BIRC6: variants seen among roughly 807,000 people sequenced by gnomAD.
The protein encoded by BIRC6 is dual E2 ubiquitin-conjugating enzyme/E3 ubiquitin-protein ligase BIRC6.
Under a neutral mutation model 503.3 loss-of-function variants are expected in BIRC6, and 98 were observed. That is an observed-to-expected ratio of 0.19 (90% CI 0.17 to 0.23). The LOEUF is 0.23. Ranked by LOEUF, BIRC6 falls within the 10% of genes least tolerant of loss-of-function variation. The pLI is 1.00. For synonymous variants in BIRC6, 2,240 were observed against 2,078.7 expected (o/e 1.08, Z -2.11); for missense variants, 5,360 against 5,806.0 (o/e 0.92, Z 2.50).
intron 3 of BIRC6, among the ~76,000 whole-genome samples, chr2:32,385,629 C>T (rs1197911648): frequency 6.6e-6 from 1 of 152,194 alleles, no homozygotes; most frequent in Non-Finnish European, 1.5e-5. Context: ...AGGCTCCTTA[C>T]AGCATCATTA....
intron 1 of BIRC6, among the ~76,000 whole-genome samples, chr2:32,370,031 T>C (rs973558791): frequency 7.6e-5 from 11 of 143,826 alleles, no homozygotes; most frequent in Admixed American, 2.1e-4. Context: ...TGTATGTATA[T>C]ATATGTATGT....
chr2:32,504,746 T>C lies in BIRC6; in HGVS notation c.9500-259T>C, dbSNP rs181727710. Among the ~76,000 whole-genome samples the C allele has an allele frequency of 5.5e-3, 835 of 152,198 alleles. 11 individuals are homozygous for C. Among genetic ancestry groups the C allele is most frequent in the African/African-American group, 0.019 (784 of 41,526 alleles). Reference sequence around the variant, plus strand: ...AATTATTGAGCTACGTTTATTGCTGTGTCTTTAGTTTTCGTGTATCATATG... The same window carrying C: ...AATTATTGAGCTACGTTTATTGCTGCGTCTTTAGTTTTCGTGTATCATATG... On this transcript the variant is annotated intron_variant, in intron 49 of 73. Transcript: ENST00000421745.
Position 32,604,208 on chromosome 2 carries a change from T to C in BIRC6, c.14070+1125T>C, listed in dbSNP as rs549978115. The stretch of plus-strand genomic sequence containing the variant: ...ATGATGAAAATATAGGTTCTAAATG[T>C]ACAGATAACTTTACTGTGATCCCTA... On this transcript the variant is annotated intron_variant, in intron 71 of 73. Transcript: ENST00000421745. Among the ~76,000 whole-genome samples, 14 of 152,354 alleles carry C rather than the reference T, an allele frequency of 9.2e-5. No individual in the cohort carries two copies. In the South Asian group the frequency reaches 2.9e-3, roughly 32 times the overall value.
chr2:32,414,742 T>A, intron 9 of BIRC6, 27 bp from the exon 10 acceptor site: 1 of 1,561,500 alleles, frequency 6.4e-7, no homozygotes, highest in Non-Finnish European at 8.8e-7. Flanking sequence ...TAGAAACATA[T>A]CTAATGAATA....
intron 9 of BIRC6, among the ~76,000 whole-genome samples, chr2:32,408,594 T>C (rs2041510592): frequency 6.6e-6 from 1 of 152,238 alleles, no homozygotes; most frequent in Non-Finnish European, 1.5e-5. Context: ...GTACATGTTT[T>C]TACAGTTACA....
At chr2:32,436,687 C>G (rs1428709565) in intron 15 of BIRC6, among the ~76,000 whole-genome samples, 1 of 151,988 alleles carries the variant, frequency 6.6e-6, no homozygotes, top group Non-Finnish European at 1.5e-5. Flanking sequence ...TCAAGTGATT[C>G]TCTTGCCTCA....
At chr2:32,471,158 G>A in intron 32 of BIRC6, 34 bp downstream of exon 32, 1 of 1,548,512 alleles carries the variant, frequency 6.5e-7, no homozygotes, top group Non-Finnish European at 8.7e-7. Context: ...ACAGGTATCA[G>A]AAGTTTATAA....
At position 32,415,392 on chromosome 2, in the gene BIRC6, C is replaced by T. The variant is rs2042284879; in HGVS notation, c.2101C>T (p.Pro701Ser). 1 of 1,613,924 alleles carries T rather than the reference C, an allele frequency of 6.2e-7. No individual in the cohort carries two copies. Among genetic ancestry groups the T allele is most frequent in the Non-Finnish European group, 8.5e-7 (1 of 1,179,906 alleles). The change falls in exon 10 of 74, where the codon CCG becomes TCG. Residue 701 changes from proline (P) to serine (S), a missense_variant. Physicochemically the swap from Pro to Ser is moderately conservative, Grantham distance 74 (BLOSUM62 -1). Around this residue, in one of 16 missense-constraint regions of BIRC6, gnomAD observed 700 missense variants for 739.3 expected, o/e 0.95. Transcript: ENST00000421745. ...FADAAANLTSPDSEKWNSVFP... is the reference protein window; with the variant it reads ...FADAAANLTSSDSEKWNSVFP... Reference sequence around the variant, plus strand: ...AGATGCAGCAGCCAACCTTACCTCTCCGGATTCTGAGAAGTGGAACTCTGT... The same window carrying T: ...AGATGCAGCAGCCAACCTTACCTCTTCGGATTCTGAGAAGTGGAACTCTGT...
intron 66 of BIRC6, among the ~76,000 whole-genome samples, chr2:32,579,955 GTT>G (rs566605734): frequency 6.8e-5 from 9 of 132,678 alleles, no homozygotes; most frequent in African/African-American, 5.6e-5. Flanking sequence ...AACCAGGCAG[GTT>G]TTTTTTTTTT....
chr2:32,516,941 G>A (rs928349153), intron 55 of BIRC6, among the ~76,000 whole-genome samples: 2 of 152,012 alleles, frequency 1.3e-5, no homozygotes, highest in Admixed American at 1.3e-4. Context: ...TTTTCTCCTT[G>A]TTATTTAATA....
intron 54 of BIRC6, 53 bp from the exon 55 acceptor site, chr2:32,514,937 G>C: frequency 7.3e-7 from 1 of 1,377,964 alleles, no homozygotes; most frequent in Non-Finnish European, 1.0e-6. Flanking sequence ...ATTTGAAATA[G>C]TTTCTTCTAA....
At chr2:32,535,678 C>A (rs150483256) in intron 61 of BIRC6, among the ~76,000 whole-genome samples, 1 of 152,070 alleles carries the variant, frequency 6.6e-6, no homozygotes, top group Non-Finnish European at 1.5e-5. Flanking sequence ...GTGTATATGT[C>A]CCACATTTTC....
At chr2:32,533,434 A>G (rs966333241) in intron 61 of BIRC6, among the ~76,000 whole-genome samples, 58 of 152,306 alleles carry the variant, frequency 3.8e-4, no homozygotes, top group Non-Finnish European at 4.4e-5. Flanking sequence ...ATAAATTGAG[A>G]GAAGAACTGT....
In BIRC6 at chr2:32,501,706, T is replaced by G; in HGVS notation, c.9032-7T>G. ...ACTTTTAATGTGGTATCTTTTATTT[T>G]TCTTAGGAGCAAGTGGATTACATCT... On this transcript the variant is annotated splice_polypyrimidine_tract_variant and splice_region_variant and intron_variant, in intron 46 of 73. Coordinates refer to ENST00000421745, the MANE Select transcript of BIRC6 (RefSeq NM_016252.4). The G allele has an allele frequency of 6.2e-7, 1 of 1,604,804 alleles. No homozygotes were observed.
At chr2:32,439,183 G>T (rs1011516795) in intron 15 of BIRC6, among the ~76,000 whole-genome samples, 1 of 151,520 alleles carries the variant, frequency 6.6e-6, no homozygotes, top group African/African-American at 2.4e-5. Context: ...TTTTGTGTGT[G>T]TGTGTGCGTG....
In BIRC6 at chr2:32,479,557, C is replaced by G; in HGVS notation, c.7348C>G (p.Gln2450Glu). The change falls in exon 37 of 74, where the codon CAA (glutamine) becomes GAA (glutamate). Residue 2450 changes from glutamine (Q) to glutamate (E), a missense_variant. Transcript: ENST00000421745. ...ATAGDSDDSL[Q>E]QSSVQLLETI... ...AGCTGGTGACTCTGATGACTCCCTT[C>G]AACAGTCCTCAGTTCAGTTGCTGGA... The G allele has an allele frequency of 6.2e-7, 1 of 1,608,910 alleles. No individual in the cohort carries two copies. Among genetic ancestry groups the G allele is most frequent in the Admixed American group, 1.7e-5 (1 of 59,478 alleles).
At chr2:32,534,235 G>A (rs1418742086) in intron 61 of BIRC6, among the ~76,000 whole-genome samples, 1 of 151,088 alleles carries the variant, frequency 6.6e-6, no homozygotes, top group African/African-American at 2.4e-5. Context: ...TTAGCCCGGT[G>A]TGGTAGTGGG....
rs574034911 is a variant in BIRC6 at position 32,436,260 on chromosome 2, A to G, written c.3631+76A>G. On this transcript the variant is annotated intron_variant, in intron 15 of 73. Transcript: ENST00000421745. Reference sequence around the variant, plus strand: ...AAAAGACGAAAAAAAACTGATCTCAAAAAAAATAAGATTGTTTTCTTTGGG... The same window carrying G: ...AAAAGACGAAAAAAAACTGATCTCAGAAAAAATAAGATTGTTTTCTTTGGG... 6 of 1,218,538 alleles carry G rather than the reference A, an allele frequency of 4.9e-6. No individual in the cohort carries two copies. The South Asian group carries it at 1.4e-4, about 29-fold the overall frequency. 75.5% of individuals were successfully genotyped at this position (1,218,538 alleles called of 1,614,324 possible).
chr2:32,370,860 C>T (rs1203937556), intron 1 of BIRC6, among the ~76,000 whole-genome samples: 2 of 151,966 alleles, frequency 1.3e-5, no homozygotes, highest in Non-Finnish European at 2.9e-5. Context: ...GATGAGATGT[C>T]AGTGGAAATG....
Sources: gnomAD v4.1 joint callset for allele counts (sites outside exome capture counted in the v4.1 genomes callset) on GRCh38, gnomAD v4.1.1 for gene constraint, gnomAD v4.1.1 regional missense constraint, MANE v1.5 for transcripts, NCBI Gene and HGNC (gene_info 2026-07-23, HGNC 2026-07-21) for gene names.